Variants in KLHL2 observed in about 807,000 individuals in gnomAD.
The protein encoded by KLHL2 is kelch like family member 2.
KLHL2 carries 15 observed loss-of-function variants against 75.8 expected under a neutral mutation model. The observed-to-expected ratio is 0.20, with a 90% CI of 0.13 to 0.30. The LOEUF (loss-of-function observed/expected upper bound fraction) is 0.30. Ranked by LOEUF, KLHL2 falls within the 10% of genes least tolerant of loss-of-function variation. The pLI, the probability that KLHL2 is intolerant of heterozygous loss-of-function variation, is 1.00. For missense variants in KLHL2, 381 were observed against 741.0 expected (o/e 0.51, Z 5.64); for synonymous variants, 214 against 251.9 (o/e 0.85, Z 1.42).
At chr4:165,316,527 G>A (rs10025474) in intron 13 of KLHL2, among the ~76,000 whole-genome samples, 157 of 152,254 alleles carry the variant, frequency 1.0e-3, no homozygotes, top group African/African-American at 3.6e-3. Context: ...ATGCCCTCTA[G>A]TATAAGTTCA....
intron 5 of KLHL2, among the ~76,000 whole-genome samples, chr4:165,283,268 T>C (rs1743832908): frequency 6.6e-6 from 1 of 152,204 alleles, no homozygotes. Flanking sequence ...CCCAAAGTCT[T>C]AACTTATTTC....
chr4:165,233,059 C>T (rs1402257712), intron 3 of KLHL2, among the ~76,000 whole-genome samples: 1 of 151,900 alleles, frequency 6.6e-6, no homozygotes, highest in Non-Finnish European at 1.5e-5. Flanking sequence ...GGGGAATATG[C>T]AGATGTTCTT....
chr4:165,232,417 ACT>A (rs1738969789), intron 3 of KLHL2, among the ~76,000 whole-genome samples: 2 of 145,932 alleles, frequency 1.4e-5, no homozygotes, highest in African/African-American at 2.6e-5. Flanking sequence ...ACAGAGCAAG[ACT>A]CTGTCTCAAA....
At chr4:165,262,138 A>G (rs751968171) in intron 4 of KLHL2, among the ~76,000 whole-genome samples, 11 of 152,352 alleles carry the variant, frequency 7.2e-5, no homozygotes, top group Non-Finnish European at 1.6e-4. Context: ...GACTTATTTG[A>G]AAAGCACTTG....
intron 5 of KLHL2, among the ~76,000 whole-genome samples, chr4:165,264,717 T>TATAC (rs1276441376): frequency 2.6e-5 from 2 of 77,732 alleles, no homozygotes; most frequent in Non-Finnish European, 4.8e-5. Flanking sequence ...TATATATATA[T>TATAC]ATACATATAT....
intron 2 of KLHL2, among the ~76,000 whole-genome samples, chr4:165,228,348 T>A (rs866254810): frequency 6.6e-6 from 1 of 152,172 alleles, no homozygotes; most frequent in Non-Finnish European, 1.5e-5. Context: ...TTACCATTGC[T>A]TGATGAACTA....
chr4:165,311,834 TGTG>T (rs1385437513), intron 11 of KLHL2, among the ~76,000 whole-genome samples: 1 of 151,758 alleles, frequency 6.6e-6, no homozygotes, highest in Admixed American at 6.6e-5. Context: ...TGTGTGTGTG[TGTG>T]TGTGTGTGTT....
chr4:165,232,457 G>A (rs1219983531), intron 3 of KLHL2, among the ~76,000 whole-genome samples: 4 of 151,662 alleles, frequency 2.6e-5, no homozygotes, highest in Non-Finnish European at 5.9e-5. Context: ...AAGGCAGGGC[G>A]CAGTGGCTCA....
chr4:165,277,509 T>A (rs1743220239), intron 5 of KLHL2, among the ~76,000 whole-genome samples: 1 of 152,242 alleles, frequency 6.6e-6, no homozygotes, highest in Non-Finnish European at 1.5e-5. Flanking sequence ...TTTTGGGGTA[T>A]CTGTTAAAAG....
At chr4:165,313,926 TA>T (rs949896431) in intron 12 of KLHL2, 99 bp from the exon 13 acceptor site, 19 of 1,238,136 alleles carry the variant, frequency 1.5e-5, no homozygotes, top group Non-Finnish European at 5.5e-6. Context: ...TTATGAATTA[TA>T]ACTTCGAAAG....
chr4:165,299,328 C>T (rs1745170635), intron 7 of KLHL2, among the ~76,000 whole-genome samples, 179 bp from the exon 8 acceptor site: 1 of 152,116 alleles, frequency 6.6e-6, no homozygotes, highest in Non-Finnish European at 1.5e-5. Context: ...GATACTTGAG[C>T]ATTTTTTGGT....
At chr4:165,287,350 G>A (rs1339902885) in intron 5 of KLHL2, among the ~76,000 whole-genome samples, 1 of 152,048 alleles carries the variant, frequency 6.6e-6, no homozygotes, top group South Asian at 2.1e-4. Flanking sequence ...TTAAGGAATT[G>A]TATGTATATA....
intron 11 of KLHL2, among the ~76,000 whole-genome samples, chr4:165,312,009 C>T (rs537521522): frequency 6.6e-6 from 1 of 152,196 alleles, no homozygotes; most frequent in South Asian, 2.1e-4. Flanking sequence ...TGAAACTGTT[C>T]CCACCTCAGA....
At chr4:165,292,394 G>A (rs556888994) in intron 5 of KLHL2, among the ~76,000 whole-genome samples, 4 of 152,002 alleles carry the variant, frequency 2.6e-5, no homozygotes, top group African/African-American at 7.3e-5. Flanking sequence ...GTGCAGTGGC[G>A]TGATCTCGGC....
At position 165,212,768 on chromosome 4, in the gene KLHL2, T is replaced by G. The variant is rs1251951957; in HGVS notation, c.26+4866T>G. Among the ~76,000 whole-genome samples the G allele has an allele frequency of 2.0e-5, 3 of 152,342 alleles. No homozygotes were observed. In the East Asian group the frequency reaches 5.8e-4, roughly 29 times the overall value. On this transcript the variant is annotated intron_variant, in intron 1 of 14. Transcript: ENST00000226725. ...AAAAAGTGGGATTCTAATCTCTCTGTTGTATCACTTTTTTCTGTCTTGCAT... is the reference window on the plus strand; with the variant it reads ...AAAAAGTGGGATTCTAATCTCTCTGGTGTATCACTTTTTTCTGTCTTGCAT...
At chr4:165,261,112 A>G (rs1259603821) in intron 4 of KLHL2, among the ~76,000 whole-genome samples, 4 of 152,208 alleles carry the variant, frequency 2.6e-5, no homozygotes, top group East Asian at 3.9e-4. Flanking sequence ...TTTCTAAACT[A>G]TATGTAGAAA....
Position 165,238,836 on chromosome 4 carries a change from C to T in KLHL2, c.318C>T (p.Thr106=), listed in dbSNP as rs1739572876. The T allele has an allele frequency of 1.9e-6, 3 of 1,613,882 alleles. No homozygotes were observed. The highest frequency in any genetic ancestry group is 1.7e-6 in the Non-Finnish European group (2 of 1,179,978). ...RVRIKEVDGW[T]LRMLIDYVYT... is the part of the protein sequence containing the mutation. ...GAATAAAAGAGGTAGATGGCTGGAC[C>T]CTGAGGATGCTAATTGATTATGTTT... The change falls in exon 4 of 15, where the codon ACC becomes ACT. Residue 106 remains threonine (T), a synonymous_variant. Coordinates refer to ENST00000226725, the MANE Select transcript of KLHL2 (RefSeq NM_007246.4).
chr4:165,271,907 T>C (rs575844637), intron 5 of KLHL2, among the ~76,000 whole-genome samples: 1 of 152,300 alleles, frequency 6.6e-6, no homozygotes, highest in African/African-American at 2.4e-5. Context: ...GTGCTTACTC[T>C]GATGAGTAAG....
chr4:165,281,816 T>A (rs1230077870), intron 5 of KLHL2, among the ~76,000 whole-genome samples: 1 of 152,220 alleles, frequency 6.6e-6, no homozygotes, highest in African/African-American at 2.4e-5. Context: ...ATATATTATG[T>A]GTGTGTAGTT....
Sources: allele counts gnomAD v4.1 joint callset (sites outside exome capture counted in the v4.1 genomes callset), GRCh38; gene constraint gnomAD v4.1.1; transcripts MANE v1.5; gene names NCBI Gene and HGNC (gene_info 2026-07-23, HGNC 2026-07-21).